BBIP1: variants seen among roughly 807,000 people sequenced by gnomAD.
BBIP1 encodes BBSome-interacting protein 1.
In BBIP1, 6 loss-of-function variants were observed where a neutral mutation model predicts 8.9. The observed-to-expected ratio is 0.67, with a 90% CI of 0.37 to 1.33. The LOEUF is 1.33. BBIP1 is among the 40% of genes most tolerant of loss of function. The pLI, the probability that BBIP1 is intolerant of heterozygous loss-of-function variation, is 0.02. For missense variants in BBIP1, 111 were observed against 109.2 expected (o/e 1.02, Z -0.07); for synonymous variants, 32 against 33.4 (o/e 0.96, Z 0.14).
Position 110,901,577 on chromosome 10 carries a change from C to T in BBIP1, c.73G>A (p.Glu25Lys), listed in dbSNP as rs1410868758. 2 of 1,535,650 alleles carry T rather than the reference C, an allele frequency of 1.3e-6. No individual in the cohort carries two copies. Among genetic ancestry groups the T allele is most frequent in the African/African-American group, 1.4e-5 (1 of 73,144 alleles). ...ACTTCCCGGAACATTGACTTCACTT[C>T]TGCCATATCTGAGTTGTTGGATATA... ...NTISNNSDMA[E>K]VKSMFREVLP... is the part of the protein sequence containing the mutation. The change falls in exon 3 of 4, where the codon GAA (glutamate) becomes AAA (lysine). Residue 25 changes from glutamate (E) to lysine (K), a missense_variant. Physicochemically the swap from Glu to Lys is moderately conservative, Grantham distance 56. Transcript: ENST00000448814.
chr10:110,910,115 G>A lies in BBIP1; in HGVS notation c.37+8006C>T, dbSNP rs145161656. On this transcript the variant is annotated intron_variant, in intron 2 of 3. Coordinates refer to ENST00000448814, the MANE Select transcript of BBIP1 (RefSeq NM_001195305.3). ...GGCTAAGGATAGGGGACAACGGGTG[G>A]TCTCTGAAGAAGAATTATTAAACAT... is the stretch of plus-strand genomic sequence containing the variant. Among the ~76,000 whole-genome samples the A allele has an allele frequency of 4.8e-3, 724 of 152,300 alleles. 6 individuals carry two copies. The highest frequency in any genetic ancestry group is 0.017 in the African/African-American group (686 of 41,554).
intron 2 of BBIP1, among the ~76,000 whole-genome samples, chr10:110,914,621 C>T (rs74156312): frequency 6.6e-6 from 1 of 152,210 alleles, no homozygotes; most frequent in African/African-American, 2.4e-5. Context: ...TGTCATATGT[C>T]GGAGACTACA....
chr10:110,916,573 C>T (rs1376302356), intron 2 of BBIP1, among the ~76,000 whole-genome samples: 1 of 152,210 alleles, frequency 6.6e-6, no homozygotes, highest in Admixed American at 6.5e-5. Flanking sequence ...AGAAAAATAA[C>T]ATTGCCTAAA....
intron 1 of BBIP1, chr10:110,918,762 G>GC (rs1846514992): frequency 6.6e-6 from 1 of 152,568 alleles, no homozygotes. Flanking sequence ...GCGGCCCTGA[G>GC]CCCCGCTCGC....
chr10:110,915,049 T>C (rs1846367728), intron 2 of BBIP1, among the ~76,000 whole-genome samples: 1 of 152,228 alleles, frequency 6.6e-6, no homozygotes, highest in Non-Finnish European at 1.5e-5. Flanking sequence ...GAGTGCTGCT[T>C]AAAGCCCAGT....
intron 2 of BBIP1, among the ~76,000 whole-genome samples, chr10:110,916,196 A>G (rs1846397260): frequency 6.6e-6 from 1 of 152,262 alleles, no homozygotes; most frequent in African/African-American, 2.4e-5. Flanking sequence ...CAACTAACAG[A>G]ATGCACTATG....
chr10:110,913,289 T>C (rs1331206335), intron 2 of BBIP1, among the ~76,000 whole-genome samples: 2 of 152,342 alleles, frequency 1.3e-5, no homozygotes, highest in East Asian at 3.9e-4. Context: ...GTAAAAGTCC[T>C]TAGAAATACA....
intron 3 of BBIP1, 42 bp downstream of exon 3, chr10:110,901,496 T>C (rs1269495284): frequency 7.2e-7 from 1 of 1,397,998 alleles, no homozygotes; most frequent in Non-Finnish European, 9.8e-7. Context: ...ACTTCTTTAG[T>C]CCTGTAATAA....
intron 2 of BBIP1, among the ~76,000 whole-genome samples, chr10:110,908,714 G>C (rs1204006645): frequency 6.6e-6 from 1 of 151,826 alleles, no homozygotes; most frequent in Admixed American, 6.6e-5. Context: ...TTAGGTGCAG[G>C]TAACAACAGT....
chr10:110,903,090 G>A (rs1404810717), intron 2 of BBIP1: 4 of 152,148 alleles, frequency 2.6e-5, no homozygotes, highest in Non-Finnish European at 4.4e-5. Context: ...GACATGATAC[G>A]CCACTGAAAG....
chr10:110,904,369 T>A (rs1259730047), intron 2 of BBIP1: 1 of 151,986 alleles, frequency 6.6e-6, no homozygotes, highest in Non-Finnish European at 1.5e-5. Flanking sequence ...CAGAAGGTGG[T>A]AAGAACTATA....
At chr10:110,910,098 A>G (rs1223041302) in intron 2 of BBIP1, among the ~76,000 whole-genome samples, 2 of 152,214 alleles carry the variant, frequency 1.3e-5, no homozygotes, top group African/African-American at 4.8e-5. Flanking sequence ...TTGGCTAAGG[A>G]TAGGGGACAA....
At chr10:110,916,029 G>C (rs530865921) in intron 2 of BBIP1, among the ~76,000 whole-genome samples, 2 of 152,200 alleles carry the variant, frequency 1.3e-5, no homozygotes, top group Non-Finnish European at 2.9e-5. Context: ...TATTAATAGA[G>C]TGAGTAGGCT....
intron 3 of BBIP1, 150 bp from the exon 4 acceptor site, chr10:110,900,676 A>G (rs1035565658): frequency 1.6e-6 from 1 of 639,676 alleles, no homozygotes; most frequent in African/African-American, 1.9e-5. Flanking sequence ...GGAACCAGAA[A>G]GATCATTGTC....
intron 2 of BBIP1, among the ~76,000 whole-genome samples, chr10:110,914,951 A>T (rs1453747730): frequency 6.6e-6 from 1 of 152,184 alleles, no homozygotes; most frequent in Non-Finnish European, 1.5e-5. Context: ...TTAACCTTTT[A>T]AAAAAAGTAT....
Position 110,917,763 on chromosome 10 carries a change from C to T in BBIP1, c.37+358G>A, listed in dbSNP as rs139530058. ...GTGCATGGTGAAAATGACGGGAAGA[C>T]GAATCTGATACAAACCATTCTATTT... On this transcript the variant is annotated intron_variant, in intron 2 of 3. Coordinates refer to ENST00000448814, the MANE Select transcript of BBIP1 (RefSeq NM_001195305.3). Among the ~76,000 whole-genome samples the T allele has an allele frequency of 3.2e-3, 482 of 152,208 alleles. 26 individuals carry two copies. The South Asian group carries it at 0.092, about 29-fold the overall frequency.
At chr10:110,915,147 A>G (rs780376095) in intron 2 of BBIP1, among the ~76,000 whole-genome samples, 4 of 152,142 alleles carry the variant, frequency 2.6e-5, no homozygotes, top group Non-Finnish European at 5.9e-5. Flanking sequence ...TTGCTGAATC[A>G]GAATACTTTT....
Position 110,899,776 on chromosome 10 carries a change from CAA to C in BBIP1, c.*582_*583del, listed in dbSNP as rs1367550079. On this transcript the variant is annotated 3_prime_UTR_variant, in exon 4 of 4. Transcript: ENST00000448814. Reference sequence around the variant, plus strand: ...GGTGCCATTGCTCTCGTTTGGGCAACAAGAGTGAAACTCTTGTCTCAAAAAAA... The same window carrying C: ...GGTGCCATTGCTCTCGTTTGGGCAACGAGTGAAACTCTTGTCTCAAAAAAA... 7.3e-6 allele frequency: 1 copy of C among 137,414 alleles called. No individual in the cohort carries two copies. Among genetic ancestry groups the C allele is most frequent in the Admixed American group, 7.5e-5 (1 of 13,284 alleles). The allele number at this position is 137,414 out of a possible 1,614,324, so 8.5% of individuals were successfully genotyped here. A position where few individuals can be genotyped will look rare whatever the true frequency, so the allele number is the denominator to read the frequency against.
chr10:110,903,614 G>A (rs1247348991), intron 2 of BBIP1: 1 of 152,284 alleles, frequency 6.6e-6, no homozygotes, highest in Non-Finnish European at 1.5e-5. Flanking sequence ...TCCAGAGTAG[G>A]AAGGAGTACA....
Sources: allele counts gnomAD v4.1 joint callset (sites outside exome capture counted in the v4.1 genomes callset), GRCh38; gene constraint gnomAD v4.1.1; transcripts MANE v1.5; gene names NCBI Gene and HGNC (gene_info 2026-07-23, HGNC 2026-07-21).